Variants in PPFIA2 observed in about 807,000 individuals in gnomAD.
PPFIA2 encodes liprin-alpha-2.
PPFIA2 carries 46 observed loss-of-function variants against 175.5 expected under a neutral mutation model. The ratio of observed to expected loss-of-function variants is 0.26; its 90% CI spans 0.21 to 0.34. PPFIA2 has a LOEUF of 0.34. Ranked by LOEUF, PPFIA2 falls within the 10% of genes least tolerant of loss-of-function variation. The probability of loss-of-function intolerance (pLI) is 1.00; values close to 1 mark genes in which losing one functional copy is unlikely to be tolerated. For missense variants in PPFIA2, 1,179 were observed against 1,506.1 expected, an observed-to-expected ratio of 0.78 and a Z score of 3.60; for synonymous variants, 568 against 511.4, an observed-to-expected ratio of 1.11 and a Z score of -1.49.
chr12:81,415,175 G>A (rs2044714539), intron 7 of PPFIA2, among the ~76,000 whole-genome samples: 1 of 40,628 alleles, frequency 2.5e-5, no homozygotes, highest in Admixed American at 4.4e-4. Flanking sequence ...TCTTGGTTCA[G>A]GTAAAAAAAA....
intron 4 of PPFIA2, among the ~76,000 whole-genome samples, chr12:81,521,492 A>G (rs2063120641): frequency 1.3e-5 from 2 of 152,140 alleles, no homozygotes; most frequent in Non-Finnish European, 2.9e-5. Context: ...CTTATTTGAG[A>G]ACAATTTTGA....
chr12:81,352,653 A>G (rs1350790312), intron 17 of PPFIA2, among the ~76,000 whole-genome samples: 1 of 152,046 alleles, frequency 6.6e-6, no homozygotes, highest in Non-Finnish European at 1.5e-5. Context: ...TGGTAAATTA[A>G]TTTCACTCCA....
chr12:81,332,466 C>T (rs1204476999), intron 21 of PPFIA2, among the ~76,000 whole-genome samples: 3 of 152,032 alleles, frequency 2.0e-5, no homozygotes, highest in Non-Finnish European at 4.4e-5. Context: ...GAAGATTGCA[C>T]TTAGATGATC....
chr12:81,310,777 A>G (rs1406321827), intron 22 of PPFIA2, among the ~76,000 whole-genome samples: 6 of 152,294 alleles, frequency 3.9e-5, no homozygotes, highest in East Asian at 1.9e-4. Context: ...TAATTCCTCA[A>G]TATTGTAAAA....
intron 4 of PPFIA2, among the ~76,000 whole-genome samples, chr12:81,597,064 T>C (rs117655393): frequency 6.6e-6 from 1 of 152,132 alleles, no homozygotes. Context: ...TTTTTCCAAG[T>C]ATGGTATAAT....
chr12:81,388,644 G>C (rs1279886363), intron 8 of PPFIA2, among the ~76,000 whole-genome samples: 1 of 151,898 alleles, frequency 6.6e-6, no homozygotes, highest in Non-Finnish European at 1.5e-5. Context: ...TATGTTACTT[G>C]TACATTAATA....
chr12:81,294,487 A>AAGGAAGGAAGGAAGGAAGG, intron 24 of PPFIA2: 1 of 186,930 alleles, frequency 5.3e-6, no homozygotes, highest in Non-Finnish European at 1.1e-5. Context: ...GGAAGGAAGG[A>AAGGAAGGAAGGAAGGAAGG]AAGAAGGAAG....
At chr12:81,474,923 CTAGA>C (rs1361406919) in intron 4 of PPFIA2, among the ~76,000 whole-genome samples, 2 of 152,054 alleles carry the variant, frequency 1.3e-5, no homozygotes, top group Non-Finnish European at 2.9e-5. Flanking sequence ...ACTGAAAAAT[CTAGA>C]TAGATGTTGA....
chr12:81,336,787 C>T (rs2057202387), intron 21 of PPFIA2, among the ~76,000 whole-genome samples: 1 of 152,150 alleles, frequency 6.6e-6, no homozygotes, highest in South Asian at 2.1e-4. Flanking sequence ...AGTTCTTTCC[C>T]TGGCATACTA....
chr12:81,632,797 G>A (rs943974757), intron 4 of PPFIA2, among the ~76,000 whole-genome samples: 1 of 152,004 alleles, frequency 6.6e-6, no homozygotes, highest in African/African-American at 2.4e-5. Context: ...CGTTTTAACT[G>A]GCAAAAGCAA....
chr12:81,422,203 G>A (rs1037504078), intron 7 of PPFIA2, among the ~76,000 whole-genome samples: 9 of 149,820 alleles, frequency 6.0e-5, no homozygotes, highest in Admixed American at 2.7e-4. Context: ...AGATGAAAAC[G>A]AGAAACAAGG....
At chr12:81,328,503 T>C (rs2055331826) in intron 21 of PPFIA2, among the ~76,000 whole-genome samples, 1 of 152,242 alleles carries the variant, frequency 6.6e-6, no homozygotes, top group African/African-American at 2.4e-5. Context: ...TTAAATAAAA[T>C]ATAGGATTAA....
intron 3 of PPFIA2, among the ~76,000 whole-genome samples, chr12:81,716,848 AT>A (rs2078692623): frequency 6.6e-6 from 1 of 151,678 alleles, no homozygotes; most frequent in African/African-American, 2.4e-5. Flanking sequence ...AATGCTTTGG[AT>A]AAATAAATGT....
chr12:81,529,528 C>T (rs1702091223), intron 4 of PPFIA2, among the ~76,000 whole-genome samples: 2 of 150,214 alleles, frequency 1.3e-5, no homozygotes, highest in Admixed American at 1.3e-4. Flanking sequence ...GACACACACA[C>T]ACACACAAAG....
At chr12:81,505,812 G>T (rs998993831) in intron 4 of PPFIA2, 1 of 152,344 alleles carries the variant, frequency 6.6e-6, no homozygotes, top group South Asian at 2.1e-4. Flanking sequence ...GCAGACAAAG[G>T]AGGAGGCCCA....
At chr12:81,334,489 C>A (rs146024399) in intron 21 of PPFIA2, among the ~76,000 whole-genome samples, 16 of 145,842 alleles carry the variant, frequency 1.1e-4, no homozygotes, top group Non-Finnish European at 1.4e-4. Flanking sequence ...CTCCCTCCAC[C>A]AAAAAAAAAA....
At position 81,659,905 on chromosome 12, in the gene PPFIA2, G is replaced by A. The variant is rs139436121; in HGVS notation, c.303+16886C>T. ...CAATATTTGCTGTTCACCAATATTC[G>A]ATATTCTGCAGCCTCCACGCTCCAG... On this transcript the variant is annotated intron_variant, in intron 4 of 32. Transcript: ENST00000549396. Among the ~76,000 whole-genome samples the A allele has an allele frequency of 1.6e-4, 25 of 152,114 alleles. 1 individual carries two copies. The East Asian group carries it at 4.8e-3, about 29-fold the overall frequency.
At chr12:81,296,108 C>A (rs2046379135) in intron 23 of PPFIA2, among the ~76,000 whole-genome samples, 1 of 152,102 alleles carries the variant, frequency 6.6e-6, no homozygotes, top group South Asian at 2.1e-4. Flanking sequence ...GAGTTCAAGA[C>A]CAGCCTGGGC....
At chr12:81,638,466 A>C (rs2064413805) in intron 4 of PPFIA2, among the ~76,000 whole-genome samples, 1 of 151,984 alleles carries the variant, frequency 6.6e-6, no homozygotes, top group Non-Finnish European at 1.5e-5. Context: ...TTATAGCTAC[A>C]AAGAGAGCCA....
Sources: allele counts gnomAD v4.1 joint callset (sites outside exome capture counted in the v4.1 genomes callset), GRCh38; gene constraint gnomAD v4.1.1; transcripts MANE v1.5; gene names NCBI Gene and HGNC (gene_info 2026-07-23, HGNC 2026-07-21).